Variants in IRAG2 observed in about 807,000 individuals in gnomAD.
The protein encoded by IRAG2 is lymphoid restricted membrane protein.
IRAG2 carries 45 observed loss-of-function variants against 69.9 expected under a neutral mutation model. The ratio of observed to expected loss-of-function variants is 0.64; its 90% CI spans 0.51 to 0.83. The LOEUF is 0.83. IRAG2 is among the 40% of genes least tolerant of loss of function. IRAG2 has a pLI of 0.00. For missense variants in IRAG2, 520 were observed against 587.0 expected (o/e 0.89, Z 1.18); for synonymous variants, 193 against 202.4 (o/e 0.95, Z 0.40).
intron 5 of IRAG2, among the ~76,000 whole-genome samples, chr12:25,067,656 C>CATTT (rs1436342462): frequency 6.6e-6 from 1 of 151,994 alleles, no homozygotes; most frequent in Non-Finnish European, 1.5e-5. Flanking sequence ...TTATTTTATT[C>CATTT]ATTTATTTAT....
At chr12:25,075,769 G>A (rs1946654414) in intron 6 of IRAG2, 1 of 152,144 alleles carries the variant, frequency 6.6e-6, no homozygotes, top group South Asian at 2.1e-4. Flanking sequence ...ATCGGCATGT[G>A]TTAGATTCAT....
chr12:25,000,650 C>A (rs1044591096), upstream of IRAG2, among the ~76,000 whole-genome samples: 10 of 152,076 alleles, frequency 6.6e-5, no homozygotes, highest in African/African-American at 9.7e-5. Flanking sequence ...ATTTTAAAAA[C>A]CATGGAAAAT....
chr12:25,053,454 A>G (rs932067854), intron 1 of IRAG2, among the ~76,000 whole-genome samples: 1 of 152,106 alleles, frequency 6.6e-6, no homozygotes, highest in Admixed American at 6.6e-5. Flanking sequence ...AAATTCTTTT[A>G]AAGTTTTAAT....
intron 9 of IRAG2, among the ~76,000 whole-genome samples, chr12:25,082,241 A>G (rs1268211749): frequency 6.6e-6 from 1 of 152,162 alleles, no homozygotes; most frequent in Non-Finnish European, 1.5e-5. Context: ...TTCACTGTAA[A>G]ACATTTTTAC....
chr12:25,009,176 C>T (rs73067049), intron 2 of IRAG2, among the ~76,000 whole-genome samples: 39,134 of 152,016 alleles, frequency 0.26, 5,534 homozygotes, highest in South Asian at 0.47. Context: ...CATGGTGGCA[C>T]ACGCCTGTAA....
chr12:25,012,787 C>T (rs1009344338), intron 3 of IRAG2, among the ~76,000 whole-genome samples: 1 of 152,070 alleles, frequency 6.6e-6, no homozygotes, highest in African/African-American at 2.4e-5. Flanking sequence ...GAGATCGTGC[C>T]ATAGCACTCT....
intron 16 of IRAG2, among the ~76,000 whole-genome samples, chr12:25,044,154 G>C (rs1281560381): frequency 2.0e-5 from 3 of 152,024 alleles, no homozygotes; most frequent in Admixed American, 1.3e-4. Flanking sequence ...TTGAAGGAGA[G>C]AGTAATAGAA....
chr12:25,077,242 A>AATATATATATGAAATATATATG (rs1565562536), intron 6 of IRAG2, among the ~76,000 whole-genome samples: 1 of 87,446 alleles, frequency 1.1e-5, no homozygotes, highest in Non-Finnish European at 2.3e-5. Flanking sequence ...ATATATATGA[A>AATATATATATGAAATATATATG]ATATATATAT....
At chr12:25,022,785 A>T (rs534665062) in intron 7 of IRAG2, among the ~76,000 whole-genome samples, 2 of 152,376 alleles carry the variant, frequency 1.3e-5, no homozygotes, top group Non-Finnish European at 2.9e-5. Flanking sequence ...ACATCATGTT[A>T]TACATGGTAA....
At chr12:25,023,333 G>C (rs6487447) in intron 7 of IRAG2, among the ~76,000 whole-genome samples, 5,130 of 151,876 alleles carry the variant, frequency 0.034, 177 homozygotes, top group African/African-American at 0.091. Flanking sequence ...AAAAAGTTTT[G>C]CAAAATTCTT....
exon 6 of IRAG2, chr12:25,017,224 A>G (rs1944536818): frequency 1.6e-6 from 2 of 1,232,078 alleles, no homozygotes; most frequent in African/African-American, 1.6e-5. Flanking sequence ...AGTTGGCTTT[A>G]GAAACCCTGG....
At chr12:25,001,686 C>T (rs925351483), upstream of IRAG2, among the ~76,000 whole-genome samples, 1 of 152,008 alleles carries the variant, frequency 6.6e-6, no homozygotes, top group Non-Finnish European at 1.5e-5. Context: ...TCATGTCCAA[C>T]CTGTGCCTAA....
chr12:25,045,848 T>TAAAAAA (rs71063392), intron 16 of IRAG2, among the ~76,000 whole-genome samples: 3 of 131,570 alleles, frequency 2.3e-5, no homozygotes, highest in African/African-American at 5.6e-5. Flanking sequence ...AAATAAAAGA[T>TAAAAAA]AAAAAAAAAA....
chr12:25,007,489 T>A lies in IRAG2; in HGVS notation c.688+2135T>A, dbSNP rs1044019984. Among the ~76,000 whole-genome samples, 8 of 152,240 alleles carry A rather than the reference T, an allele frequency of 5.3e-5. No homozygotes were observed. In the East Asian group the frequency reaches 1.3e-3, roughly 26 times the overall value. On this transcript the variant is annotated intron_variant, in intron 2 of 38. Coordinates refer to the IRAG2 transcript ENST00000636465. Reference sequence around the variant, plus strand: ...TTATCTCTGTGTTTCGCTTTCCATCTGTTTTTTGCATTTTGTTGTCTGTTA... The same window carrying A: ...TTATCTCTGTGTTTCGCTTTCCATCAGTTTTTTGCATTTTGTTGTCTGTTA...
intron 9 of IRAG2, among the ~76,000 whole-genome samples, chr12:25,080,248 C>T (rs1299952867): frequency 6.6e-6 from 1 of 152,028 alleles, no homozygotes; most frequent in Non-Finnish European, 1.5e-5. Context: ...TAGTTATTCT[C>T]GACCATTCCC....
intron 15 of IRAG2, among the ~76,000 whole-genome samples, chr12:25,098,820 CTG>C (rs1268058189): frequency 6.6e-6 from 1 of 152,200 alleles, no homozygotes; most frequent in African/African-American, 2.4e-5. Context: ...CCAACCCACT[CTG>C]TATCAGCCTT....
chr12:25,003,039 T>C (rs1591919807), upstream of IRAG2, among the ~76,000 whole-genome samples: 2 of 152,220 alleles, frequency 1.3e-5, no homozygotes, highest in Non-Finnish European at 2.9e-5. Flanking sequence ...AGGATTCTGT[T>C]GGTGGAAACT....
chr12:25,102,407 T>A (rs1948809347), intron 17 of IRAG2, 166 bp downstream of exon 17: 2 of 606,202 alleles, frequency 3.3e-6, no homozygotes, highest in South Asian at 4.2e-5. Context: ...GCTATATTTT[T>A]GTATCAATTA....
upstream of IRAG2, among the ~76,000 whole-genome samples, chr12:24,999,351 T>A (rs1944374141): frequency 1.3e-5 from 2 of 152,198 alleles, no homozygotes; most frequent in African/African-American, 4.8e-5. Flanking sequence ...AGGATTTTAC[T>A]TGTTGCTTTA....
Sources: gnomAD v4.1 joint callset for allele counts (sites outside exome capture counted in the v4.1 genomes callset) on GRCh38, gnomAD v4.1.1 for gene constraint, MANE v1.5 for transcripts, NCBI Gene and HGNC (gene_info 2026-07-23, HGNC 2026-07-21) for gene names.